AMPH: variants seen among roughly 807,000 people sequenced by gnomAD.
The protein encoded by AMPH is amphiphysin.
In AMPH, 49 loss-of-function variants were observed where a neutral mutation model predicts 99.1. That is an observed-to-expected ratio of 0.49 (90% confidence interval 0.39 to 0.63). AMPH has a LOEUF of 0.63. Ranked by LOEUF, AMPH falls within the 20% of genes least tolerant of loss-of-function variation. The pLI, the probability that AMPH is intolerant of heterozygous loss-of-function variation, is 0.00. For synonymous variants in AMPH, 314 were observed against 317.3 expected (o/e 0.99, Z 0.11); for missense variants, 759 against 863.4 (o/e 0.88, Z 1.52).
chr7:38,500,794 G>A (rs1562793671), intron 3 of AMPH, among the ~76,000 whole-genome samples: 1 of 152,186 alleles, frequency 6.6e-6, no homozygotes, highest in South Asian at 2.1e-4. Context: ...GTTGATTTGG[G>A]AGTAATTAAT....
chr7:38,469,920 C>A (rs1787815529), intron 7 of AMPH, among the ~76,000 whole-genome samples: 1 of 152,196 alleles, frequency 6.6e-6, no homozygotes, highest in Non-Finnish European at 1.5e-5. Flanking sequence ...GTGGCCCACC[C>A]ACTAACCTAA....
At chr7:38,520,461 A>C (rs1789916027) in intron 2 of AMPH, among the ~76,000 whole-genome samples, 1 of 152,250 alleles carries the variant, frequency 6.6e-6, no homozygotes, top group Non-Finnish European at 1.5e-5. Flanking sequence ...ACAAGCAGGC[A>C]AGTCAAAACT....
Position 38,422,477 on chromosome 7 carries a change from G to C in AMPH, c.1216C>G (p.Pro406Ala), listed in dbSNP as rs1451013761. Reference protein sequence around the residue: ...SGGSFNGFTQPQDTSLFTMQT... With the variant: ...SGGSFNGFTQAQDTSLFTMQT... ...ATTGTGAATAATGAAGTATCCTGGGGCTGAAAATCAAGGATAAAAATAGAA... is the reference window on the plus strand; with the variant it reads ...ATTGTGAATAATGAAGTATCCTGGGCCTGAAAATCAAGGATAAAAATAGAA... Residue 406 changes from proline (P) to alanine (A), a missense_variant and splice_region_variant, in exon 16 of 21, where the codon CCC becomes GCC. Transcript: ENST00000356264. 10 of 1,611,556 alleles carry C rather than the reference G, an allele frequency of 6.2e-6. No individual in the cohort carries two copies. The highest frequency in any genetic ancestry group is 8.5e-6 in the Non-Finnish European group (10 of 1,178,202).
intron 16 of AMPH, among the ~76,000 whole-genome samples, chr7:38,421,626 TC>T (rs1256629154): frequency 6.6e-6 from 1 of 152,174 alleles, no homozygotes; most frequent in East Asian, 1.9e-4. Flanking sequence ...AAGAAATCAT[TC>T]TATTTAATCT....
chr7:38,621,996 G>A (rs952587317), intron 1 of AMPH, among the ~76,000 whole-genome samples: 7 of 152,230 alleles, frequency 4.6e-5, no homozygotes, highest in Admixed American at 1.3e-4. Context: ...TCAGAAAATC[G>A]TGATTATTAT....
intron 3 of AMPH, among the ~76,000 whole-genome samples, chr7:38,494,813 G>A (rs1788868696): frequency 6.6e-6 from 1 of 152,124 alleles, no homozygotes; most frequent in Non-Finnish European, 1.5e-5. Context: ...ATCATAGTGT[G>A]TCCTATTACG....
chr7:38,615,828 G>T (rs554933372), intron 1 of AMPH, among the ~76,000 whole-genome samples: 39 of 152,290 alleles, frequency 2.6e-4, no homozygotes, highest in Middle Eastern at 6.8e-3. Flanking sequence ...TACTGTAGCA[G>T]TGGCCACGTG....
chr7:38,626,123 AG>A (rs1584320471), intron 1 of AMPH, among the ~76,000 whole-genome samples: 1 of 152,212 alleles, frequency 6.6e-6, no homozygotes, highest in Non-Finnish European at 1.5e-5. Flanking sequence ...TTGTAGGTTG[AG>A]GAGAGGGGAA....
At chr7:38,521,107 G>A (rs372198070) in intron 2 of AMPH, among the ~76,000 whole-genome samples, 113 of 103,722 alleles carry the variant, frequency 1.1e-3, no homozygotes, top group African/African-American at 4.4e-3. Flanking sequence ...AATAATTTGT[G>A]TCCTATAGAG....
chr7:38,606,789 G>A (rs575056335), intron 1 of AMPH, among the ~76,000 whole-genome samples: 2 of 152,084 alleles, frequency 1.3e-5, no homozygotes, highest in African/African-American at 4.8e-5. Context: ...TGCCCAGGCT[G>A]GTCTTGAACT....
intron 11 of AMPH, among the ~76,000 whole-genome samples, chr7:38,449,405 T>C (rs560177163): frequency 1.3e-5 from 2 of 152,294 alleles, no homozygotes; most frequent in South Asian, 2.1e-4. Context: ...ACTAATGACA[T>C]GTAAATCACA....
At chr7:38,552,896 TC>T (rs1328644259) in intron 1 of AMPH, among the ~76,000 whole-genome samples, 1 of 152,182 alleles carries the variant, frequency 6.6e-6, no homozygotes, top group African/African-American at 2.4e-5. Flanking sequence ...CATTGAGACC[TC>T]CCAGAGACAA....
chr7:38,555,948 A>G (rs539364210), intron 1 of AMPH, among the ~76,000 whole-genome samples: 3 of 152,186 alleles, frequency 2.0e-5, no homozygotes, highest in East Asian at 1.9e-4. Flanking sequence ...ACAACAGACA[A>G]TGGGGACTCC....
At chr7:38,463,319 A>T (rs533590739) in intron 9 of AMPH, 1 of 707,008 alleles carries the variant, frequency 1.4e-6, no homozygotes, top group East Asian at 2.9e-5. Context: ...TCATTCATGT[A>T]TTATCTTTTG....
At chr7:38,557,181 C>G (rs1363537761) in intron 1 of AMPH, among the ~76,000 whole-genome samples, 2 of 152,180 alleles carry the variant, frequency 1.3e-5, no homozygotes, top group Non-Finnish European at 2.9e-5. Flanking sequence ...GCGGGAATAG[C>G]TATATCCACT....
intron 12 of AMPH, among the ~76,000 whole-genome samples, chr7:38,434,174 A>C (rs1483123903): frequency 6.6e-6 from 1 of 152,210 alleles, no homozygotes; most frequent in East Asian, 1.9e-4. Flanking sequence ...GGAAGAGCAC[A>C]GGGACACACA....
intron 1 of AMPH, among the ~76,000 whole-genome samples, chr7:38,594,421 T>C (rs1792975139): frequency 6.6e-6 from 1 of 152,204 alleles, no homozygotes; most frequent in African/African-American, 2.4e-5. Context: ...CTACACTGAC[T>C]GCTTCCCTAC....
intron 5 of AMPH, among the ~76,000 whole-genome samples, chr7:38,478,853 A>G (rs1788183766): frequency 6.6e-6 from 1 of 152,156 alleles, no homozygotes; most frequent in African/African-American, 2.4e-5. Flanking sequence ...GCCCATTACT[A>G]AACTCGAAAA....
intron 1 of AMPH, among the ~76,000 whole-genome samples, chr7:38,602,737 C>T (rs141592450): frequency 7.4e-4 from 112 of 152,286 alleles, no homozygotes; most frequent in African/African-American, 2.6e-3. Context: ...TTTGAGAGTA[C>T]ATTATTCTGC....
Sources: gnomAD v4.1 joint callset for allele counts (sites outside exome capture counted in the v4.1 genomes callset) on GRCh38, gnomAD v4.1.1 for gene constraint, MANE v1.5 for transcripts, NCBI Gene and HGNC (gene_info 2026-07-23, HGNC 2026-07-21) for gene names.